The following THSD7B variants were observed in gnomAD, a reference collection of about 807,000 sequenced individuals.
THSD7B encodes thrombospondin type-1 domain-containing protein 7B.
THSD7B carries 138 observed loss-of-function variants against 213.6 expected under a neutral mutation model. That is an observed-to-expected ratio of 0.65 (90% CI 0.56 to 0.74). THSD7B has a LOEUF of 0.74. THSD7B is among the 30% of genes least tolerant of loss of function. THSD7B has a pLI of 0.00. For missense variants in THSD7B, 1,931 were observed against 1,991.5 expected, an observed-to-expected ratio of 0.97 and a Z score of 0.58; for synonymous variants, 742 against 687.0, an observed-to-expected ratio of 1.08 and a Z score of -1.25.
At chr2:137,358,523 T>C (rs1685184006) in intron 12 of THSD7B, among the ~76,000 whole-genome samples, 1 of 152,200 alleles carries the variant, frequency 6.6e-6, no homozygotes, top group Non-Finnish European at 1.5e-5. Flanking sequence ...TTTAACAAAA[T>C]ATCTTAAAAA....
chr2:137,369,513 T>C (rs1374063292), intron 12 of THSD7B, among the ~76,000 whole-genome samples: 6 of 152,130 alleles, frequency 3.9e-5, no homozygotes, highest in South Asian at 2.1e-4. Flanking sequence ...AAGAAGAACA[T>C]GGAAATTAAA....
At chr2:137,139,563 T>C (rs180765234) in intron 5 of THSD7B, among the ~76,000 whole-genome samples, 1 of 152,140 alleles carries the variant, frequency 6.6e-6, no homozygotes, top group African/African-American at 2.4e-5. Flanking sequence ...TTTTTTTCTA[T>C]CTATATTTAG....
At chr2:137,413,579 G>A (rs1321669678) in intron 14 of THSD7B, among the ~76,000 whole-genome samples, 1 of 152,170 alleles carries the variant, frequency 6.6e-6, no homozygotes, top group Non-Finnish European at 1.5e-5. Context: ...CACATAACAA[G>A]GTTGTTTTAG....
intron 7 of THSD7B, among the ~76,000 whole-genome samples, chr2:137,221,780 A>G (rs1681376665): frequency 6.6e-6 from 1 of 152,226 alleles, no homozygotes; most frequent in Non-Finnish European, 1.5e-5. Flanking sequence ...TTACAGAGAT[A>G]AATGATTATT....
At chr2:136,972,993 G>A (rs909330310) in intron 2 of THSD7B, among the ~76,000 whole-genome samples, 1 of 152,012 alleles carries the variant, frequency 6.6e-6, no homozygotes, top group African/African-American at 2.4e-5. Context: ...AAAACATTTG[G>A]TATGTCTGTG....
intron 15 of THSD7B, among the ~76,000 whole-genome samples, chr2:137,505,456 A>G (rs530378047): frequency 1.3e-5 from 2 of 152,080 alleles, no homozygotes; most frequent in South Asian, 4.1e-4. Context: ...TTGTGGATTC[A>G]TTGCTGTTCC....
intron 3 of THSD7B, among the ~76,000 whole-genome samples, chr2:137,079,352 T>A (rs73958326): frequency 0.096 from 14,679 of 152,154 alleles, 960 homozygotes; most frequent in African/African-American, 0.19. Flanking sequence ...GTATGTTTCT[T>A]TCTATTTTTC....
chr2:137,391,983 C>G (rs1686038878), intron 12 of THSD7B, among the ~76,000 whole-genome samples: 2 of 152,152 alleles, frequency 1.3e-5, no homozygotes, highest in African/African-American at 2.4e-5. Context: ...AAGTTTCTAT[C>G]TTAATTTCTT....
rs115440262 is a variant in THSD7B at position 137,665,598 on chromosome 2, T to A, written c.4651+2023T>A. Among the ~76,000 whole-genome samples, 432 of 152,178 alleles carry A rather than the reference T, an allele frequency of 2.8e-3. 2 individuals carry two copies. The highest frequency in any genetic ancestry group is 9.9e-3 in the African/African-American group (410 of 41,544). On this transcript the variant is annotated intron_variant, in intron 26 of 27. Transcript: ENST00000409968. ...GGACAGTTAGGCCATACTAATATAC[T>A]TATTTACCTGTCATATATTTTGACC...
At chr2:136,920,494 G>A (rs1336398312) in intron 2 of THSD7B, among the ~76,000 whole-genome samples, 1 of 152,198 alleles carries the variant, frequency 6.6e-6, no homozygotes, top group African/African-American at 2.4e-5. Context: ...AAAGAAGGAA[G>A]TGGGTGCTGA....
At chr2:137,335,250 A>G (rs1272004796) in intron 12 of THSD7B, among the ~76,000 whole-genome samples, 1 of 152,186 alleles carries the variant, frequency 6.6e-6, no homozygotes, top group East Asian at 1.9e-4. Context: ...TCATGATCTT[A>G]TTTAAGCCAA....
At chr2:136,981,810 C>T (rs1282955746) in intron 2 of THSD7B, among the ~76,000 whole-genome samples, 1 of 152,220 alleles carries the variant, frequency 6.6e-6, no homozygotes, top group Non-Finnish European at 1.5e-5. Context: ...CTTGCTGCAG[C>T]ATCTCGTAGT....
chr2:137,349,855 G>A (rs1684968001), intron 12 of THSD7B, among the ~76,000 whole-genome samples: 1 of 151,800 alleles, frequency 6.6e-6, no homozygotes, highest in Non-Finnish European at 1.5e-5. Context: ...GGGAAAAAAT[G>A]TTGTTTAAAG....
chr2:137,346,100 A>G (rs1684869389), intron 12 of THSD7B, among the ~76,000 whole-genome samples: 1 of 151,524 alleles, frequency 6.6e-6, no homozygotes, highest in Non-Finnish European at 1.5e-5. Flanking sequence ...CTAGTGGTAA[A>G]AAGCACTTAA....
chr2:137,358,879 T>A (rs1685192843), intron 12 of THSD7B, among the ~76,000 whole-genome samples: 1 of 152,208 alleles, frequency 6.6e-6, no homozygotes, highest in African/African-American at 2.4e-5. Flanking sequence ...ACAAATAGTG[T>A]ATATTAGCAC....
At chr2:137,234,018 C>G (rs1435896173) in intron 9 of THSD7B, among the ~76,000 whole-genome samples, 1 of 152,152 alleles carries the variant, frequency 6.6e-6, no homozygotes, top group African/African-American at 2.4e-5. Context: ...AGTGCCTCCC[C>G]AGGAATTTTC....
intron 4 of THSD7B, among the ~76,000 whole-genome samples, chr2:137,113,629 G>A (rs1456623677): frequency 6.6e-6 from 1 of 151,924 alleles, no homozygotes; most frequent in Admixed American, 6.6e-5. Context: ...AGAGATGGGG[G>A]TTTCTCCATG....
intron 4 of THSD7B, among the ~76,000 whole-genome samples, chr2:137,103,270 A>G (rs1209164820): frequency 6.6e-6 from 1 of 152,212 alleles, no homozygotes; most frequent in Non-Finnish European, 1.5e-5. Flanking sequence ...AGAATTTCAT[A>G]TCCAGCTAAA....
At position 137,657,147 on chromosome 2, in the gene THSD7B, C is replaced by T. The variant is rs200755825; in HGVS notation, c.4362C>T (p.Gly1454=). ...CTGTATGGTGCCAGCGTTCAGATGG[C>T]GTTAATGTCACAGGTATTCCTGCCT... is the stretch of plus-strand genomic sequence containing the variant. The part of the protein sequence containing the change: ...ERTVWCQRSD[G]VNVTGGCSPQ... The change falls in exon 24 of 28, where the codon GGC becomes GGT. Residue 1454 remains glycine, a synonymous_variant. Coordinates refer to ENST00000409968, the MANE Select transcript of THSD7B (RefSeq NM_001316349.2). 1.0e-4 allele frequency: 164 copies of T among 1,613,912 alleles called. No homozygotes were observed. In the African/African-American group the frequency reaches 1.6e-3, roughly 16 times the overall value.
Sources: allele counts gnomAD v4.1 joint callset (sites outside exome capture counted in the v4.1 genomes callset), GRCh38; gene constraint gnomAD v4.1.1; transcripts MANE v1.5; gene names NCBI Gene and HGNC (gene_info 2026-07-23, HGNC 2026-07-21).